The following KANK4 variants were observed in gnomAD, a reference collection of about 807,000 sequenced individuals.
KANK4 encodes the protein KN motif and ankyrin repeat domains 4.
In KANK4, 50 loss-of-function variants were observed where a neutral mutation model predicts 80.8. The observed-to-expected ratio is 0.62, with a 90% CI of 0.49 to 0.78. KANK4 has a LOEUF of 0.78. Ranked by LOEUF, KANK4 falls within the 30% of genes least tolerant of loss-of-function variation. The pLI is 0.00. For synonymous variants in KANK4, 465 were observed against 506.9 expected (o/e 0.92, Z 1.11); for missense variants, 1,196 against 1,240.1 (o/e 0.96, Z 0.53).
Position 62,307,168 on chromosome 1 carries a change from G to T in KANK4, c.-71+11938C>A, listed in dbSNP as rs141118807. Among the ~76,000 whole-genome samples, 222 of 152,112 alleles carry T rather than the reference G, an allele frequency of 1.5e-3. 1 individual carries two copies. The highest frequency in any genetic ancestry group is 3.4e-3 in the Middle Eastern group (1 of 294). On this transcript the variant is annotated intron_variant, in intron 1 of 9. Transcript: ENST00000371153. ...AGCATCCCATTTGCCCCACCTAACT[G>T]CTTCTCAACCCACAATCAAAATTTT...
chr1:62,290,902 G>A (rs1672665271), intron 1 of KANK4, among the ~76,000 whole-genome samples: 1 of 151,510 alleles, frequency 6.6e-6, no homozygotes, highest in Admixed American at 6.6e-5. Flanking sequence ...CTGCCACCAT[G>A]CCTGGCTAAT....
rs762119545 is a variant in KANK4, at chr1:62,263,261, C to T, written c.2370G>A (p.Arg790=). The part of the protein sequence containing the change: ...ISQEWFRVSS[R]KSSSPAVVAS... Reference sequence around the variant, plus strand: ...CCACCACGGCGGGGCTAGACGACTTCCGGCTGGAGACGCGGAACCACTCTT... The same window carrying T: ...CCACCACGGCGGGGCTAGACGACTTTCGGCTGGAGACGCGGAACCACTCTT... Residue 790 remains arginine, a synonymous_variant, in exon 7 of 10, where the codon CGG becomes CGA. Coordinates refer to ENST00000371153, the MANE Select transcript of KANK4 (RefSeq NM_181712.5). 3.1e-6 allele frequency: 5 copies of T among 1,613,328 alleles called. No homozygotes were observed. Among genetic ancestry groups the T allele is most frequent in the South Asian group, 1.1e-5 (1 of 90,894 alleles).
At chr1:62,278,397 CTTTTTTT>C in intron 2 of KANK4, among the ~76,000 whole-genome samples, 2 of 29,230 alleles carry the variant, frequency 6.8e-5, no homozygotes, top group East Asian at 1.6e-3. Flanking sequence ...TTCTTTCTTT[CTTTTTTT>C]TTTTTGAGAT....
At position 62,273,698 on chromosome 1, in the gene KANK4, G is replaced by T; in HGVS notation, c.1406C>A (p.Ala469Glu). Reference protein sequence around the residue: ...DGHKQGNQSPAERVLLPQLSL... With the variant: ...DGHKQGNQSPEERVLLPQLSL... Reference sequence around the variant, plus strand: ...CAGCTGGGGCAGAAGCACACGTTCTGCTGGGCTCTGATTCCCTTGTTTATG... The same window carrying T: ...CAGCTGGGGCAGAAGCACACGTTCTTCTGGGCTCTGATTCCCTTGTTTATG... Residue 469 changes from alanine to glutamate, a missense_variant, in exon 3 of 10, where the codon GCA becomes GAA. Transcript: ENST00000371153. 1 of 1,614,128 alleles carries T rather than the reference G, an allele frequency of 6.2e-7. No individual in the cohort carries two copies. The highest frequency in any genetic ancestry group is 2.2e-5 in the East Asian group (1 of 44,848).
intron 7 of KANK4, among the ~76,000 whole-genome samples, chr1:62,257,387 C>T (rs1186640107): frequency 6.6e-6 from 1 of 152,162 alleles, no homozygotes; most frequent in African/African-American, 2.4e-5. Flanking sequence ...TGCATCCTGC[C>T]AGGACCCAGG....
chr1:62,281,523 C>G, intron 2 of KANK4, 26 bp downstream of exon 2: 2 of 1,614,110 alleles, frequency 1.2e-6, no homozygotes, highest in Non-Finnish European at 8.5e-7. Flanking sequence ...TATCTTAAAC[C>G]AGGCCCTACA....
At chr1:62,285,408 C>T (rs1238456503) in intron 1 of KANK4, among the ~76,000 whole-genome samples, 1 of 152,096 alleles carries the variant, frequency 6.6e-6, no homozygotes, top group Non-Finnish European at 1.5e-5. Flanking sequence ...TTATCCGCAC[C>T]CTCTCCTCTC....
intron 1 of KANK4, among the ~76,000 whole-genome samples, chr1:62,287,822 A>C (rs1480144907): frequency 2.0e-5 from 3 of 152,224 alleles, no homozygotes; most frequent in Admixed American, 2.0e-4. Flanking sequence ...AGTCTATGGA[A>C]TACCAACATC....
At chr1:62,239,016 T>G (rs1319063095) in intron 9 of KANK4, among the ~76,000 whole-genome samples, 1 of 152,110 alleles carries the variant, frequency 6.6e-6, no homozygotes, top group Non-Finnish European at 1.5e-5. Flanking sequence ...AGTTCGCATT[T>G]TGGTGTGTTT....
chr1:62,313,005 G>A (rs763520892), intron 1 of KANK4, among the ~76,000 whole-genome samples: 4 of 152,064 alleles, frequency 2.6e-5, no homozygotes, highest in Admixed American at 6.6e-5. Context: ...CTGCAGTTTC[G>A]CTTTCTGAAG....
In KANK4 at chr1:62,268,976, C is replaced by A. The variant is rs918328783; in HGVS notation, c.2013-471G>T. ...AAATCTTCACATCTCTGGATGAGAC[C>A]GAGACCTCCCTTCAGACTGCTCCAG... On this transcript the variant is annotated intron_variant, in intron 4 of 9. Transcript: ENST00000371153. Among the ~76,000 whole-genome samples the A allele has an allele frequency of 8.5e-5, 13 of 152,306 alleles. No individual in the cohort carries two copies. In the East Asian group the frequency reaches 2.5e-3, roughly 29 times the overall value.
Position 62,300,777 on chromosome 1 carries a change from G to A in KANK4, c.-71+18329C>T, listed in dbSNP as rs114046745. ...TACAACTCTGACTGCAATGAGGGGC[G>A]TATGTCCCCAGATTCTGGACTATTA... is the stretch of plus-strand genomic sequence containing the variant. On this transcript the variant is annotated intron_variant, in intron 1 of 9. Coordinates refer to ENST00000371153, the MANE Select transcript of KANK4 (RefSeq NM_181712.5). Among the ~76,000 whole-genome samples, 253 of 152,118 alleles carry A rather than the reference G, an allele frequency of 1.7e-3. 1 individual carries two copies. Among genetic ancestry groups the A allele is most frequent in the Admixed American group, 2.6e-3 (40 of 15,296 alleles).
At position 62,238,226 on chromosome 1, in the gene KANK4, G is replaced by C. The variant is rs943607815; in HGVS notation, c.*51C>G. ...TCTGCCCTCTTCAAGGGCGAGGGAG[G>C]AGTCCAGAGAAGAAGGCTTTTGTTC... is the stretch of plus-strand genomic sequence containing the variant. On this transcript the variant is annotated 3_prime_UTR_variant, in exon 10 of 10. Coordinates refer to ENST00000371153, the MANE Select transcript of KANK4 (RefSeq NM_181712.5). 3.0e-6 allele frequency: 4 copies of C among 1,350,368 alleles called. No homozygotes were observed. Among genetic ancestry groups the C allele is most frequent in the African/African-American group, 2.9e-5 (2 of 69,650 alleles). The allele number at this position is 1,350,368 out of a possible 1,614,324, so 83.6% of individuals were successfully genotyped here.
intron 2 of KANK4, among the ~76,000 whole-genome samples, chr1:62,276,753 G>GT (rs201193480): frequency 0.057 from 7,715 of 136,534 alleles, 228 homozygotes; most frequent in East Asian, 0.14. Flanking sequence ...CTCCAGCCTG[G>GT]GCAACGATAG....
chr1:62,265,634 T>A (rs530918455), intron 6 of KANK4, among the ~76,000 whole-genome samples: 3 of 152,202 alleles, frequency 2.0e-5, no homozygotes, highest in Non-Finnish European at 4.4e-5. Flanking sequence ...TGCTGATGAA[T>A]TGATCGTTTT....
intron 9 of KANK4, among the ~76,000 whole-genome samples, chr1:62,246,690 T>C (rs1671473482): frequency 6.6e-6 from 1 of 152,090 alleles, no homozygotes; most frequent in Non-Finnish European, 1.5e-5. Context: ...CTCAACCTTC[T>C]GGGCTCAAGC....
At chr1:62,306,569 T>A (rs746676782) in intron 1 of KANK4, among the ~76,000 whole-genome samples, 1 of 152,186 alleles carries the variant, frequency 6.6e-6, no homozygotes, top group Non-Finnish European at 1.5e-5. Flanking sequence ...TATATGCTTC[T>A]ACATTATTTT....
At chr1:62,278,320 T>TCTTTCTTCCTTCCTTC (rs1420040026) in intron 2 of KANK4, among the ~76,000 whole-genome samples, 2 of 60,530 alleles carry the variant, frequency 3.3e-5, no homozygotes, top group Non-Finnish European at 6.9e-5. Flanking sequence ...ACATTTTCTT[T>TCTTTCTTCCTTCCTTC]CTTCCTTCCT....
At chr1:62,317,687 A>G (rs1487621169) in intron 1 of KANK4, among the ~76,000 whole-genome samples, 1 of 152,220 alleles carries the variant, frequency 6.6e-6, no homozygotes, top group Non-Finnish European at 1.5e-5. Flanking sequence ...CATTCTGCAG[A>G]CTGACCGACT....
Sources: allele counts gnomAD v4.1 joint callset (sites outside exome capture counted in the v4.1 genomes callset), GRCh38; gene constraint gnomAD v4.1.1; transcripts MANE v1.5; gene names NCBI Gene and HGNC (gene_info 2026-07-23, HGNC 2026-07-21).